Variants in TMEM163 observed in about 807,000 individuals in gnomAD.
The protein encoded by TMEM163 is transmembrane protein 163.
A neutral mutation model predicts 29.3 loss-of-function variants in TMEM163; 17 were observed. The observed-to-expected ratio is 0.58, with a 90% CI of 0.40 to 0.87. The LOEUF (loss-of-function observed/expected upper bound fraction) is 0.87. TMEM163 is among the 40% of genes least tolerant of loss of function. The probability of loss-of-function intolerance (pLI) is 0.00; values close to 1 mark genes in which losing one functional copy is unlikely to be tolerated. For missense variants in TMEM163, 303 were observed against 381.5 expected (o/e 0.79, Z 1.71); for synonymous variants, 157 against 160.6 (o/e 0.98, Z 0.17).
At chr2:134,523,598 A>G (rs1217009063) in intron 4 of TMEM163, among the ~76,000 whole-genome samples, 1 of 152,198 alleles carries the variant, frequency 6.6e-6, no homozygotes, top group Admixed American at 6.5e-5. Flanking sequence ...GTTTCTCAGC[A>G]AAGGAGCTGA....
chr2:134,639,904 C>T (rs1380483943), intron 2 of TMEM163, among the ~76,000 whole-genome samples: 1 of 152,186 alleles, frequency 6.6e-6, no homozygotes, highest in African/African-American at 2.4e-5. Flanking sequence ...CAGCAAGCCG[C>T]TTCTTTCAGA....
intron 2 of TMEM163, among the ~76,000 whole-genome samples, chr2:134,568,281 T>C (rs1305072039): frequency 2.0e-5 from 3 of 152,022 alleles, no homozygotes; most frequent in African/African-American, 7.2e-5. Context: ...TCCCAGCACT[T>C]AGGGAGGCAG....
intron 2 of TMEM163, among the ~76,000 whole-genome samples, chr2:134,695,235 C>T (rs1401688657): frequency 6.6e-6 from 1 of 152,068 alleles, no homozygotes; most frequent in Admixed American, 6.6e-5. Context: ...CATCACCACA[C>T]CTGGCTAATT....
At chr2:134,671,328 C>T (rs963150865) in intron 2 of TMEM163, among the ~76,000 whole-genome samples, 1 of 152,112 alleles carries the variant, frequency 6.6e-6, no homozygotes, top group Non-Finnish European at 1.5e-5. Flanking sequence ...GGAGACCCAC[C>T]CCTCCCCAAC....
At chr2:134,560,407 T>C (rs1010412832) in intron 2 of TMEM163, among the ~76,000 whole-genome samples, 2 of 152,170 alleles carry the variant, frequency 1.3e-5, no homozygotes, top group African/African-American at 4.8e-5. Context: ...CATTAACACC[T>C]TCCCCTTAGC....
At chr2:134,586,528 T>TC (rs1315194996) in intron 2 of TMEM163, among the ~76,000 whole-genome samples, 1 of 152,138 alleles carries the variant, frequency 6.6e-6, no homozygotes, top group Non-Finnish European at 1.5e-5. Flanking sequence ...TTGCATTAGG[T>TC]CCCACCATAC....
intron 2 of TMEM163, among the ~76,000 whole-genome samples, chr2:134,689,014 T>G (rs1411952062): frequency 6.6e-6 from 1 of 152,166 alleles, no homozygotes; most frequent in Non-Finnish European, 1.5e-5. Flanking sequence ...AAGTATAATA[T>G]TTTGGATATA....
At chr2:134,601,230 C>G (rs1682224686) in intron 2 of TMEM163, among the ~76,000 whole-genome samples, 1 of 152,052 alleles carries the variant, frequency 6.6e-6, no homozygotes, top group African/African-American at 2.4e-5. Flanking sequence ...AAACATTTTC[C>G]TGAGTGTAAT....
chr2:134,456,691 G>T lies in TMEM163; in HGVS notation c.*25C>A. ...CTATGTGGAAACTCCTCATCTCGAT[G>T]GTCTCATGCGGATGCTGGCCCCCTT... On this transcript the variant is annotated 3_prime_UTR_variant, in exon 8 of 8. Coordinates refer to ENST00000281924, the MANE Select transcript of TMEM163 (RefSeq NM_030923.5). 6.2e-7 allele frequency: 1 copy of T among 1,613,402 alleles called. No individual in the cohort carries two copies.
chr2:134,577,470 T>C (rs1387117616), intron 2 of TMEM163, among the ~76,000 whole-genome samples: 2 of 152,154 alleles, frequency 1.3e-5, no homozygotes, highest in Non-Finnish European at 2.9e-5. Context: ...AGCCAGTTCC[T>C]CGCTGAGGGC....
intron 2 of TMEM163, among the ~76,000 whole-genome samples, chr2:134,707,830 C>G (rs951487921): frequency 7.3e-5 from 11 of 151,216 alleles, no homozygotes; most frequent in Admixed American, 6.6e-4. Context: ...GACATGGGCT[C>G]CAGTCCTGAG....
chr2:134,680,313 T>C (rs1387383195), intron 2 of TMEM163, among the ~76,000 whole-genome samples: 1 of 151,746 alleles, frequency 6.6e-6, no homozygotes, highest in East Asian at 1.9e-4. Flanking sequence ...AAGGATTAAA[T>C]TAAAAGACTA....
Position 134,707,897 on chromosome 2 carries a change from C to CTTTTT in TMEM163, c.322+5298_322+5302dup, listed in dbSNP as rs35922959. ...GGGCAAAAGTCAGGGCAGACCAGAA[C>CTTTTT]TTTTTTTTTTTTTTTTTTTGAGACA... On this transcript the variant is annotated intron_variant, in intron 2 of 7. Transcript: ENST00000281924. 1.5e-5 allele frequency among the ~76,000 whole-genome samples: 2 copies of CTTTTT among 133,666 alleles called. 1 individual carries two copies. The allele number at this position is 133,666 out of a possible 152,430, so 87.7% of individuals were successfully genotyped here.
At chr2:134,514,469 G>A (rs1680014083) in intron 4 of TMEM163, among the ~76,000 whole-genome samples, 1 of 149,160 alleles carries the variant, frequency 6.7e-6, no homozygotes, top group Non-Finnish European at 1.5e-5. Flanking sequence ...ATTTGTTTTG[G>A]GCTCTGTGCA....
intron 2 of TMEM163, among the ~76,000 whole-genome samples, chr2:134,620,278 T>A (rs919458042): frequency 3.2e-4 from 48 of 151,652 alleles, no homozygotes; most frequent in Non-Finnish European, 6.8e-4. Flanking sequence ...TTTTTTAAGA[T>A]GGAGTTTCAC....
At chr2:134,698,916 T>C (rs1684634299) in intron 2 of TMEM163, among the ~76,000 whole-genome samples, 1 of 152,212 alleles carries the variant, frequency 6.6e-6, no homozygotes, top group South Asian at 2.1e-4. Flanking sequence ...TTCCATAATG[T>C]GCAAACATCC....
chr2:134,680,515 C>T lies in TMEM163; in HGVS notation c.322+32685G>A, dbSNP rs552024751. Among the ~76,000 whole-genome samples the T allele has an allele frequency of 3.3e-5, 5 of 152,282 alleles. No homozygotes were observed. The South Asian group carries it at 1.0e-3, about 32-fold the overall frequency. On this transcript the variant is annotated intron_variant, in intron 2 of 7. Coordinates refer to ENST00000281924, the MANE Select transcript of TMEM163 (RefSeq NM_030923.5). ...CAAACTTGACTAAATGTCCACCTCTCACAAATCTTTCACTTTCTTATTAAC... is the reference window on the plus strand; with the variant it reads ...CAAACTTGACTAAATGTCCACCTCTTACAAATCTTTCACTTTCTTATTAAC...
At chr2:134,707,897 CTTT>C (rs35922959) in intron 2 of TMEM163, among the ~76,000 whole-genome samples, 8 of 133,610 alleles carry the variant, frequency 6.0e-5, no homozygotes, top group Non-Finnish European at 3.3e-5. Flanking sequence ...CAGACCAGAA[CTTT>C]TTTTTTTTTT....
chr2:134,655,268 A>T (rs578223666), intron 2 of TMEM163, among the ~76,000 whole-genome samples: 1 of 136,356 alleles, frequency 7.3e-6, no homozygotes, highest in African/African-American at 3.2e-5. Flanking sequence ...TTTTTCTCTA[A>T]CCTTCCCTTC....
Sources: gnomAD v4.1 joint callset for allele counts (sites outside exome capture counted in the v4.1 genomes callset) on GRCh38, gnomAD v4.1.1 for gene constraint, MANE v1.5 for transcripts, NCBI Gene and HGNC (gene_info 2026-07-23, HGNC 2026-07-21) for gene names.